Variants in PCDH15 observed in about 807,000 individuals in gnomAD.
PCDH15 encodes protocadherin related 15.
Under a neutral mutation model 178.5 loss-of-function variants are expected in PCDH15, and 129 were observed. The observed-to-expected ratio is 0.72, with a 90% CI of 0.63 to 0.84. The LOEUF is 0.84. PCDH15 is among the 40% of genes least tolerant of loss of function. The pLI, the probability that PCDH15 is intolerant of heterozygous loss-of-function variation, is 0.00. For missense variants in PCDH15, 2,230 were observed against 2,099.9 expected (o/e 1.06, Z -1.21); for synonymous variants, 800 against 732.0 (o/e 1.09, Z -1.50).
chr10:54,592,403 G>A (rs2091943560), intron 2 of PCDH15, among the ~76,000 whole-genome samples: 1 of 150,768 alleles, frequency 6.6e-6, no homozygotes, highest in Admixed American at 6.6e-5. Flanking sequence ...TAGCTGACAA[G>A]TAAAAATGAA....
intron 6 of PCDH15, 96 bp downstream of exon 6, chr10:54,346,269 C>T: frequency 8.4e-7 from 1 of 1,189,228 alleles, no homozygotes; most frequent in Non-Finnish European, 1.2e-6. Flanking sequence ...TAATCTGGTT[C>T]TGGAAGTTAC....
chr10:54,186,460 C>A (rs1382263458), intron 11 of PCDH15, among the ~76,000 whole-genome samples: 2 of 151,972 alleles, frequency 1.3e-5, no homozygotes, highest in Non-Finnish European at 2.9e-5. Flanking sequence ...ATACTTGAAT[C>A]TGCCCATCTT....
intron 1 of PCDH15, among the ~76,000 whole-genome samples, chr10:55,205,488 T>A (rs1840372654): frequency 6.6e-6 from 1 of 152,198 alleles, no homozygotes; most frequent in African/African-American, 2.4e-5. Flanking sequence ...TTACATATAT[T>A]TTCAAATATA....
At chr10:54,154,633 T>C (rs750518009) in intron 13 of PCDH15, among the ~76,000 whole-genome samples, 1 of 152,188 alleles carries the variant, frequency 6.6e-6, no homozygotes, top group African/African-American at 2.4e-5. Context: ...CTTTATACAC[T>C]GTACTGTGCT....
intron 1 of PCDH15, among the ~76,000 whole-genome samples, chr10:54,799,364 A>T (rs2133687736): frequency 6.6e-6 from 1 of 152,240 alleles, no homozygotes; most frequent in African/African-American, 2.4e-5. Flanking sequence ...GGGTTTTTTT[A>T]AAGCATAATT....
chr10:54,002,610 T>G (rs957981415), intron 20 of PCDH15, among the ~76,000 whole-genome samples: 1 of 152,086 alleles, frequency 6.6e-6, no homozygotes, highest in Non-Finnish European at 1.5e-5. Context: ...AATGAGGAAA[T>G]TGATAAGAAA....
intron 2 of PCDH15, among the ~76,000 whole-genome samples, chr10:55,363,330 A>G (rs955955230): frequency 1.3e-5 from 2 of 152,186 alleles, no homozygotes; most frequent in African/African-American, 4.8e-5. Flanking sequence ...TGAAAGACAT[A>G]GAGGTTGTTT....
intron 3 of PCDH15, among the ~76,000 whole-genome samples, chr10:54,846,582 T>C (rs1463233170): frequency 6.6e-6 from 1 of 152,130 alleles, no homozygotes; most frequent in Non-Finnish European, 1.5e-5. Context: ...CTTTTTAACG[T>C]ATGAAAAAAA....
rs543387532 is a variant in PCDH15, at chr10:55,491,959, C to A, written c.-156+135666G>T. On this transcript the variant is annotated intron_variant, in intron 2 of 5. Transcript: ENST00000613346. ...ATGGAGTGTACTTGAGAGGATTATG[C>A]AAGCCATACAAAAAAATCATCAATA... Among the ~76,000 whole-genome samples, 12 of 151,632 alleles carry A rather than the reference C, an allele frequency of 7.9e-5. No individual in the cohort carries two copies. The East Asian group carries it at 2.2e-3, about 28-fold the overall frequency.
At chr10:55,192,284 C>G (rs1839963489) in intron 1 of PCDH15, among the ~76,000 whole-genome samples, 1 of 151,730 alleles carries the variant, frequency 6.6e-6, no homozygotes, top group Non-Finnish European at 1.5e-5. Context: ...TGCCATTCTC[C>G]AGATGGCTTA....
At chr10:55,443,103 C>G (rs1391835266) in intron 2 of PCDH15, among the ~76,000 whole-genome samples, 1 of 152,074 alleles carries the variant, frequency 6.6e-6, no homozygotes, top group Admixed American at 6.6e-5. Context: ...AAAACTGAAA[C>G]TGGACCCCTT....
At chr10:54,043,959 T>C (rs7898152) in intron 18 of PCDH15, among the ~76,000 whole-genome samples, 31,956 of 152,062 alleles carry the variant, frequency 0.21, 3,555 homozygotes, top group Non-Finnish European at 0.23. Flanking sequence ...TCTGTACCTA[T>C]GTCCCTGCAT....
intron 3 of PCDH15, among the ~76,000 whole-genome samples, chr10:54,518,957 A>C (rs1352960293): frequency 2.6e-5 from 4 of 152,234 alleles, no homozygotes; most frequent in African/African-American, 4.8e-5. Flanking sequence ...CCAAAGACAA[A>C]AATCACATGA....
At chr10:54,507,521 A>G (rs565322464) in intron 3 of PCDH15, among the ~76,000 whole-genome samples, 1 of 151,854 alleles carries the variant, frequency 6.6e-6, no homozygotes, top group East Asian at 1.9e-4. Flanking sequence ...AAAAATGAAA[A>G]CCTCTGACAA....
chr10:55,222,710 T>TACACACACACAGACACACACACACAC (rs1554842351), intron 1 of PCDH15, among the ~76,000 whole-genome samples: 18 of 42,184 alleles, frequency 4.3e-4, no homozygotes, highest in Non-Finnish European at 7.2e-4. Flanking sequence ...TATATCTTTA[T>TACACACACACAGACACACACACACAC]ACACACACAC....
chr10:54,515,643 A>G (rs2082136255), intron 3 of PCDH15, among the ~76,000 whole-genome samples: 1 of 152,216 alleles, frequency 6.6e-6, no homozygotes, highest in South Asian at 2.1e-4. Context: ...TGGTTCTCCC[A>G]GCACGCAGCT....
chr10:54,079,424 G>C lies in PCDH15; in HGVS notation c.1998C>G (p.Thr666=), dbSNP rs754253198. 1.9e-6 allele frequency: 3 copies of C among 1,613,212 alleles called. No homozygotes were observed. In the African/African-American group the frequency reaches 4.0e-5, roughly 22 times the overall value. ...DPQRVFNLSE[T]TGILTLGKAL... ...CTTTCCCTAAGGTTAGAATCCCCGT[G>C]CTAGTGACAAAACAAACAAACAAAT... Residue 666 remains threonine, a splice_region_variant and synonymous_variant, in exon 17 of 38, where the codon ACC becomes ACG. Coordinates refer to ENST00000644397, the MANE Select transcript of PCDH15 (RefSeq NM_001384140.1).
intron 29 of PCDH15, among the ~76,000 whole-genome samples, chr10:53,835,432 A>C (rs879343598): frequency 6.6e-6 from 1 of 152,170 alleles, no homozygotes; most frequent in African/African-American, 2.4e-5. Context: ...AGAAAGCCAC[A>C]AGAGAATATG....
intron 20 of PCDH15, among the ~76,000 whole-genome samples, chr10:54,004,746 A>T (rs1564985632): frequency 6.6e-6 from 1 of 152,242 alleles, no homozygotes; most frequent in East Asian, 1.9e-4. Flanking sequence ...CGTTCTACAG[A>T]TTCAATGCAA....
Sources: allele counts gnomAD v4.1 joint callset (sites outside exome capture counted in the v4.1 genomes callset), GRCh38; gene constraint gnomAD v4.1.1; transcripts MANE v1.5; gene names NCBI Gene and HGNC (gene_info 2026-07-23, HGNC 2026-07-21).